The following CA12 variants were observed in gnomAD, a reference collection of about 807,000 sequenced individuals.
CA12 encodes the protein carbonic anhydrase 12.
In CA12, 36 loss-of-function variants were observed where a neutral mutation model predicts 46.8. That is an observed-to-expected ratio of 0.77 (90% CI 0.59 to 1.02). The LOEUF (loss-of-function observed/expected upper bound fraction) is 1.02. Ranked by LOEUF, CA12 falls within the 50% of genes least tolerant of loss-of-function variation. CA12 has a pLI of 0.00. For synonymous variants in CA12, 202 were observed against 187.0 expected (o/e 1.08, Z -0.65); for missense variants, 436 against 451.4 (o/e 0.97, Z 0.31).
rs529006930 is a variant in CA12 at position 63,340,710 on chromosome 15, G to T, written c.589+10C>A. On this transcript the variant is annotated intron_variant, in intron 6 of 10. Coordinates refer to ENST00000178638, the MANE Select transcript of CA12 (RefSeq NM_001218.5). The surrounding 1 kb of genome is among the most constrained non-coding windows in gnomAD (Gnocchi z 4.4). Reference sequence around the variant, plus strand: ...AGCAGAGAGTGAATATGCATGCAAGGACCCCTCACCTTTGTACTTTACATG... The same window carrying T: ...AGCAGAGAGTGAATATGCATGCAAGTACCCCTCACCTTTGTACTTTACATG... 5 of 1,613,280 alleles carry T rather than the reference G, an allele frequency of 3.1e-6. No homozygotes were observed. The highest frequency in any genetic ancestry group is 4.5e-5 in the East Asian group (2 of 44,882).
intron 2 of CA12, among the ~76,000 whole-genome samples, chr15:63,349,521 C>T (rs1304224692): frequency 2.0e-5 from 3 of 152,166 alleles, no homozygotes; most frequent in African/African-American, 4.8e-5. Flanking sequence ...GCCTTGTCTT[C>T]GCCTCCTCCT....
At position 63,372,237 on chromosome 15, in the gene CA12, A is replaced by T. The variant is rs1261722146; in HGVS notation, c.106+3421T>A. On this transcript the variant is annotated intron_variant, in intron 2 of 10. Transcript: ENST00000178638. This position sits in a 1 kb window ranked among gnomAD's most constrained non-coding sequence, Gnocchi z 4.5. Reference sequence around the variant, plus strand: ...CCGGGCTCAGCGGGATTGATGCGGGACTGATTTCCGGCGGGGAAGGTCCAT... The same window carrying T: ...CCGGGCTCAGCGGGATTGATGCGGGTCTGATTTCCGGCGGGGAAGGTCCAT... Among the ~76,000 whole-genome samples the T allele has an allele frequency of 2.0e-5, 3 of 152,164 alleles. No individual in the cohort carries two copies. The highest frequency in any genetic ancestry group is 2.0e-4 in the Admixed American group (3 of 15,280).
rs890782758 is a variant in CA12 at position 63,381,633 on chromosome 15, T to G, written c.85+3A>C. The G allele has an allele frequency of 3.7e-6, 6 of 1,609,782 alleles. No individual in the cohort carries two copies. Among genetic ancestry groups the G allele is most frequent in the Non-Finnish European group, 5.1e-6 (6 of 1,177,990 alleles). ...TTAGGAAAGAAGCAGGCGGAAACTT[T>G]ACCGTTCACTGGGGCCGGGCTGGAA... On this transcript the variant is annotated splice_donor_region_variant and intron_variant, in intron 1 of 10. Transcript: ENST00000178638.
Position 63,340,456 on chromosome 15 carries a change from A to G in CA12, c.590-11T>C, listed in dbSNP as rs1465344019. On this transcript the variant is annotated splice_polypyrimidine_tract_variant and intron_variant, in intron 6 of 10. Transcript: ENST00000178638. This position sits in a 1 kb window ranked among gnomAD's most constrained non-coding sequence, Gnocchi z 4.4. ...CGAATGCTTCCTGGCCTAGAGAGAC[A>G]TGTTGCAGAGGTGATAGTGTCAGCC... is the stretch of plus-strand genomic sequence containing the variant. 4 of 1,614,156 alleles carry G rather than the reference A, an allele frequency of 2.5e-6. No individual in the cohort carries two copies. Among genetic ancestry groups the G allele is most frequent in the Non-Finnish European group, 2.5e-6 (3 of 1,180,010 alleles).
rs1020416587 is a variant in CA12 at position 63,323,197 on chromosome 15, C to G, written c.*3088G>C. On this transcript the variant is annotated 3_prime_UTR_variant, in exon 11 of 11. Coordinates refer to ENST00000178638, the MANE Select transcript of CA12 (RefSeq NM_001218.5). The surrounding 1 kb of genome is among the most constrained non-coding windows in gnomAD (Gnocchi z 5.1). ...TATCATGTCCCCTTGGTTGGGAACA[C>G]CTCCCTCTTTTCCATCCATCTGTTC... 1 of 152,204 alleles carries G rather than the reference C, an allele frequency of 6.6e-6. No homozygotes were observed. The highest frequency in any genetic ancestry group is 1.5e-5 in the Non-Finnish European group (1 of 68,064). 9.4% of individuals were successfully genotyped at this position (152,204 alleles called of 1,614,324 possible).
Position 63,340,310 on chromosome 15 carries a change from G to C in CA12, c.725C>G (p.Pro242Arg). The change falls in exon 7 of 11, where the codon CCC becomes CGC. Residue 242 changes from proline to arginine, a missense_variant. Physicochemically the swap from Pro to Arg is moderately radical, Grantham distance 103. Transcript: ENST00000178638. The surrounding 1 kb of genome is among the most constrained non-coding windows in gnomAD (Gnocchi z 4.4). ...PTVLWTVFRN[P>R]VQISQEQLLA... ...TACCTGCTCCTGGGAAATTTGCACG[G>C]GGTTTCGGAAAACTGTCCAGAGCAC... The C allele has an allele frequency of 6.2e-7, 1 of 1,614,194 alleles. No homozygotes were observed. The highest frequency in any genetic ancestry group is 8.5e-7 in the Non-Finnish European group (1 of 1,180,032).
rs1432820574 is a variant in CA12 at position 63,340,465 on chromosome 15, A to G, written c.590-20T>C. The stretch of plus-strand genomic sequence containing the variant: ...CCTGGCCTAGAGAGACATGTTGCAG[A>G]GGTGATAGTGTCAGCCTCCCTCCGT... On this transcript the variant is annotated intron_variant, in intron 6 of 10. Coordinates refer to ENST00000178638, the MANE Select transcript of CA12 (RefSeq NM_001218.5). The surrounding 1 kb of genome is among the most constrained non-coding windows in gnomAD (Gnocchi z 4.4). 1 of 1,614,122 alleles carries G rather than the reference A, an allele frequency of 6.2e-7. No homozygotes were observed. The highest frequency in any genetic ancestry group is 2.2e-5 in the East Asian group (1 of 44,872).
Position 63,329,337 on chromosome 15 carries a change from C to T in CA12, c.875-1207G>A, listed in dbSNP as rs1208793385. On this transcript the variant is annotated intron_variant, in intron 8 of 10. Coordinates refer to ENST00000178638, the MANE Select transcript of CA12 (RefSeq NM_001218.5). The surrounding 1 kb of genome is among the most constrained non-coding windows in gnomAD (Gnocchi z 4.8). ...GTGTGGCTGAACCCGTGCCCAGCTA[C>T]CTAAGTCTCACAGTCAGCCTACTAG... 8.5e-5 allele frequency among the ~76,000 whole-genome samples: 13 copies of T among 152,128 alleles called. No homozygotes were observed. The highest frequency in any genetic ancestry group is 8.5e-4 in the Admixed American group (13 of 15,284).
At chr15:63,375,495 G>A in intron 2 of CA12, 163 bp downstream of exon 2, 5 of 582,618 alleles carry the variant, frequency 8.6e-6, no homozygotes, top group Non-Finnish European at 1.2e-5. Context: ...CCAAGTTGAA[G>A]TGTTCTTAGG....
At chr15:63,377,336 G>A (rs1402622284) in intron 1 of CA12, among the ~76,000 whole-genome samples, 1 of 152,088 alleles carries the variant, frequency 6.6e-6, no homozygotes, top group African/African-American at 2.4e-5. Context: ...TACCCTTGTG[G>A]GGAAGCACCT....
intron 2 of CA12, among the ~76,000 whole-genome samples, chr15:63,362,499 C>T (rs1321999051): frequency 6.6e-6 from 1 of 152,176 alleles, no homozygotes; most frequent in Non-Finnish European, 1.5e-5. Flanking sequence ...AGCAGATAAG[C>T]CCTGGGCAAT....
At chr15:63,375,163 C>A (rs1298789215) in intron 2 of CA12, among the ~76,000 whole-genome samples, 7 of 152,202 alleles carry the variant, frequency 4.6e-5, no homozygotes, top group Admixed American at 4.6e-4. Context: ...AAGCACTGAC[C>A]AACACCTCTT....
intron 2 of CA12, among the ~76,000 whole-genome samples, chr15:63,365,351 G>A (rs1305232390): frequency 1.3e-5 from 2 of 152,246 alleles, no homozygotes; most frequent in Non-Finnish European, 2.9e-5. Flanking sequence ...AGGGCACACA[G>A]TGCCTGGCAT....
In CA12 at chr15:63,341,983, C is replaced by G; in HGVS notation, c.525+19G>C. 6.4e-7 allele frequency: 1 copy of G among 1,570,236 alleles called. No homozygotes were observed. Among genetic ancestry groups the G allele is most frequent in the Non-Finnish European group, 8.8e-7 (1 of 1,140,338 alleles). On this transcript the variant is annotated intron_variant, in intron 5 of 10. Transcript: ENST00000178638. This position sits in a 1 kb window ranked among gnomAD's most constrained non-coding sequence, Gnocchi z 5.2. ...CCCTGCTTCAAATTTCACCTAAGAA[C>G]CTTTTAAATATCTCTTACCTCAATG...
rs1257971975 is a variant in CA12 at position 63,324,796 on chromosome 15, C to T, written c.*1489G>A. The T allele has an allele frequency of 6.7e-6, 1 of 149,242 alleles. No homozygotes were observed. The highest frequency in any genetic ancestry group is 6.8e-5 in the Admixed American group (1 of 14,742). The allele number at this position is 149,242 out of a possible 1,614,324, so 9.2% of individuals were successfully genotyped here. A position where few individuals can be genotyped will look rare whatever the true frequency, so the allele number is the denominator to read the frequency against. ...CTCCGCCTCCTGGGTTCAAGCGATTCCAGAAGAGAGAATTCTTAGAGTCAG... is the reference window on the plus strand; with the variant it reads ...CTCCGCCTCCTGGGTTCAAGCGATTTCAGAAGAGAGAATTCTTAGAGTCAG... On this transcript the variant is annotated 3_prime_UTR_variant, in exon 11 of 11. Coordinates refer to ENST00000178638, the MANE Select transcript of CA12 (RefSeq NM_001218.5).
intron 1 of CA12, among the ~76,000 whole-genome samples, chr15:63,381,046 G>A (rs1199401296): frequency 6.6e-6 from 1 of 152,034 alleles, no homozygotes; most frequent in Non-Finnish European, 1.5e-5. Context: ...TGTGGTTTGT[G>A]TGCGTGCGCG....
rs541701508 is a variant in CA12 at position 63,339,761 on chromosome 15, C to T, written c.747+527G>A. ...ACTCAGATGACCTAACTTTGGGTCT[C>T]AGCTTTGTCACTAACCCGCGGGTGA... On this transcript the variant is annotated intron_variant, in intron 7 of 10. Transcript: ENST00000178638. This position sits in a 1 kb window ranked among gnomAD's most constrained non-coding sequence, Gnocchi z 4.3. 6.6e-6 allele frequency among the ~76,000 whole-genome samples: 1 copy of T among 152,346 alleles called. No individual in the cohort carries two copies. The highest frequency in any genetic ancestry group is 2.4e-5 in the African/African-American group (1 of 41,590).
intron 2 of CA12, among the ~76,000 whole-genome samples, chr15:63,363,572 A>G (rs1366724016): frequency 6.6e-6 from 1 of 152,228 alleles, no homozygotes; most frequent in African/African-American, 2.4e-5. Context: ...TGGAAGTCCT[A>G]GAACACTGCT....
chr15:63,358,213 G>A (rs966667974), intron 2 of CA12, among the ~76,000 whole-genome samples: 1 of 152,224 alleles, frequency 6.6e-6, no homozygotes, highest in African/African-American at 2.4e-5. Context: ...AAAATAAGCT[G>A]TGCAGAGTGC....
Sources: allele counts gnomAD v4.1 joint callset (sites outside exome capture counted in the v4.1 genomes callset), GRCh38; gene constraint gnomAD v4.1.1; non-coding constraint Gnocchi (gnomAD v3.1); transcripts MANE v1.5; gene names NCBI Gene and HGNC (gene_info 2026-07-23, HGNC 2026-07-21).